The following STK3 variants were observed in gnomAD, a reference collection of about 807,000 sequenced individuals.
STK3 encodes serine/threonine-protein kinase 3.
Under a neutral mutation model 58.0 loss-of-function variants are expected in STK3, and 41 were observed. The observed-to-expected ratio is 0.71, with a 90% CI of 0.55 to 0.92. The LOEUF (loss-of-function observed/expected upper bound fraction) is 0.92, where lower values mean the gene tolerates loss of function less well. STK3 is among the 40% of genes least tolerant of loss of function. The pLI is 0.00. For synonymous variants in STK3, 170 were observed against 191.0 expected (o/e 0.89, Z 0.91); for missense variants, 479 against 602.7 (o/e 0.79, Z 2.15).
intron 1 of STK3, among the ~76,000 whole-genome samples, chr8:98,382,629 TG>T (rs1817748769): frequency 6.6e-6 from 1 of 151,992 alleles, no homozygotes; most frequent in South Asian, 2.1e-4. Context: ...CTCCATGAGG[TG>T]GGGTCTGCCT....
At chr8:98,743,255 A>G (rs1232107774) in intron 4 of STK3, among the ~76,000 whole-genome samples, 2 of 151,966 alleles carry the variant, frequency 1.3e-5, no homozygotes, top group Non-Finnish European at 2.9e-5. Context: ...GGAAAAAAAA[A>G]AAAAAGAGCC....
upstream of STK3, chr8:98,825,799 CCCCGCCCCGCCCCCG>C (rs1345089117): frequency 2.7e-3 from 199 of 74,530 alleles, no homozygotes; most frequent in African/African-American, 9.5e-3. Flanking sequence ...CCCCCGGCCG[CCCCGCCCCGCCCCCG>C]GCCGCCCCGC....
intron 3 of STK3, among the ~76,000 whole-genome samples, chr8:98,838,615 C>G (rs1037619089): frequency 3.3e-5 from 5 of 152,076 alleles, no homozygotes; most frequent in Admixed American, 6.6e-5. Context: ...GCATGTGATA[C>G]ATTCAAAGTA....
intron 1 of STK3, among the ~76,000 whole-genome samples, chr8:98,788,039 A>G (rs1003577610): frequency 6.6e-6 from 1 of 152,224 alleles, no homozygotes; most frequent in Admixed American, 6.5e-5. Flanking sequence ...AAAACAAAAC[A>G]AAACAAGAAA....
At chr8:98,838,541 G>C (rs1835836482) in intron 3 of STK3, among the ~76,000 whole-genome samples, 1 of 152,154 alleles carries the variant, frequency 6.6e-6, no homozygotes, top group Non-Finnish European at 1.5e-5. Flanking sequence ...AAAAAGAGGA[G>C]AGGTAGATGC....
At chr8:98,623,194 C>T (rs557430832) in intron 6 of STK3, among the ~76,000 whole-genome samples, 88 of 138,436 alleles carry the variant, frequency 6.4e-4, no homozygotes, top group South Asian at 7.1e-4. Flanking sequence ...GAAAAAGAAA[C>T]GAAGAAAAAA....
chr8:98,655,083 T>A (rs1821363917), intron 6 of STK3, among the ~76,000 whole-genome samples: 1 of 151,716 alleles, frequency 6.6e-6, no homozygotes, highest in South Asian at 2.1e-4. Flanking sequence ...GACTTCAAAC[T>A]ATACTACAAG....
At chr8:98,881,554 C>T (rs1837794073), downstream of STK3, 1 of 152,100 alleles carries the variant, frequency 6.6e-6, no homozygotes, top group African/African-American at 2.4e-5. Context: ...AATATTGGCT[C>T]ATCAATCATA....
At chr8:98,587,389 T>C (rs1488862812) in intron 7 of STK3, among the ~76,000 whole-genome samples, 1 of 152,054 alleles carries the variant, frequency 6.6e-6, no homozygotes, top group Non-Finnish European at 1.5e-5. Flanking sequence ...TTGTTCAGTT[T>C]CCATGTAGTT....
At chr8:98,889,524 C>A (rs1023800737) in intron 1 of STK3, among the ~76,000 whole-genome samples, 16 of 152,050 alleles carry the variant, frequency 1.1e-4, no homozygotes, top group African/African-American at 3.6e-4. Context: ...AATGTGACAA[C>A]CTTTTGACAT....
intron 3 of STK3, among the ~76,000 whole-genome samples, chr8:98,847,180 G>T (rs534937863): frequency 6.6e-6 from 1 of 152,296 alleles, no homozygotes; most frequent in Non-Finnish European, 1.5e-5. Flanking sequence ...AGCACGCTAT[G>T]ATTGCATCTG....
intron 1 of STK3, among the ~76,000 whole-genome samples, chr8:98,809,158 T>A (rs1185249963): frequency 2.0e-5 from 3 of 152,218 alleles, no homozygotes; most frequent in Non-Finnish European, 4.4e-5. Context: ...CATCTGTATA[T>A]CCTTTATAAT....
intron 9 of STK3, among the ~76,000 whole-genome samples, chr8:98,544,649 AACACACACACACACACACAC>A (rs59159370): frequency 1.1e-4 from 15 of 137,522 alleles, no homozygotes; most frequent in East Asian, 2.2e-4. Context: ...ATTCTACTAT[AACACACACACACACACACAC>A]ACACACACAC....
chr8:98,509,010 C>T (rs575116849), intron 10 of STK3, among the ~76,000 whole-genome samples: 4 of 152,112 alleles, frequency 2.6e-5, no homozygotes, highest in East Asian at 1.9e-4. Flanking sequence ...TTTCAAAACT[C>T]GACCCACATT....
At chr8:98,366,312 T>G (rs539497273), downstream of STK3, among the ~76,000 whole-genome samples, 4 of 152,254 alleles carry the variant, frequency 2.6e-5, no homozygotes, top group Non-Finnish European at 5.9e-5. Flanking sequence ...TTCATTTTTC[T>G]ATTGGAATCT....
At chr8:98,406,876 C>T (rs1003312860) in intron 3 of STK3, among the ~76,000 whole-genome samples, 1 of 152,110 alleles carries the variant, frequency 6.6e-6, no homozygotes, top group African/African-American at 2.4e-5. Context: ...AGACACATGC[C>T]TGGGGGTACA....
At chr8:98,399,643 G>A (rs926119435), downstream of STK3, among the ~76,000 whole-genome samples, 6 of 152,310 alleles carry the variant, frequency 3.9e-5, no homozygotes, top group East Asian at 3.9e-4. Context: ...AAAATTAGAC[G>A]ATCTCTGAGG....
intron 3 of STK3, among the ~76,000 whole-genome samples, chr8:98,426,586 C>T (rs528200927): frequency 2.0e-5 from 3 of 152,180 alleles, no homozygotes; most frequent in South Asian, 4.1e-4. Context: ...TCCTGTTCCC[C>T]AACAACCCCA....
intron 9 of STK3, among the ~76,000 whole-genome samples, chr8:98,542,360 G>A (rs111521484): frequency 8.9e-4 from 136 of 152,142 alleles, no homozygotes; most frequent in African/African-American, 3.1e-3. Context: ...ACACACTCTC[G>A]GTCAGGAGAT....
Sources: allele counts gnomAD v4.1 joint callset (sites outside exome capture counted in the v4.1 genomes callset), GRCh38; gene constraint gnomAD v4.1.1; transcripts MANE v1.5; gene names NCBI Gene and HGNC (gene_info 2026-07-23, HGNC 2026-07-21).